SHISA9: variants seen among roughly 807,000 people sequenced by gnomAD.
SHISA9 encodes protein shisa-9.
In SHISA9, 13 loss-of-function variants were observed where a neutral mutation model predicts 38.0. The observed-to-expected ratio is 0.34, with a 90% CI of 0.22 to 0.54. The LOEUF (loss-of-function observed/expected upper bound fraction) is 0.54, where lower values mean the gene tolerates loss of function less well. Among genes scored for constraint, SHISA9 ranks in the 20% least tolerant of loss-of-function variants. The pLI is 0.91. For missense variants in SHISA9, 538 were observed against 575.8 expected (o/e 0.93, Z 0.67); for synonymous variants, 275 against 242.0 (o/e 1.14, Z -1.27).
chr16:13,244,409 A>C (rs1000599567), downstream of SHISA9, among the ~76,000 whole-genome samples: 6 of 152,164 alleles, frequency 3.9e-5, no homozygotes, highest in Non-Finnish European at 8.8e-5. Flanking sequence ...ACTCAAAGTG[A>C]AGATGACAAG....
Position 13,043,538 on chromosome 16 carries a change from A to G in SHISA9, c.691+126723A>G, listed in dbSNP as rs573860624. On this transcript the variant is annotated intron_variant, in intron 2 of 4. Transcript: ENST00000558583. ...CATTTAATGCAAAACACGTTATATT[A>G]ATTGCAAAAACCACAATTACTTTTG... is the stretch of plus-strand genomic sequence containing the variant. Among the ~76,000 whole-genome samples the G allele has an allele frequency of 1.7e-3, 254 of 152,340 alleles. 3 individuals are homozygous for G. The highest frequency in any genetic ancestry group is 1.6e-3 in the Non-Finnish European group (107 of 68,028).
the SHISA9 span, among the ~76,000 whole-genome samples, chr16:13,377,220 G>A: frequency 5.3e-5 from 8 of 152,172 alleles, no homozygotes; most frequent in Non-Finnish European, 1.0e-4. Context: ...CAGCCTTAGG[G>A]GCGGCATTCA....
In SHISA9 at chr16:13,141,602, G is replaced by T. The variant is rs2050402427; in HGVS notation, c.692-61792G>T. 3.3e-5 allele frequency among the ~76,000 whole-genome samples: 5 copies of T among 151,936 alleles called. No homozygotes were observed. In the South Asian group the frequency reaches 1.0e-3, roughly 32 times the overall value. On this transcript the variant is annotated intron_variant, in intron 2 of 4. Coordinates refer to ENST00000558583, the MANE Select transcript of SHISA9 (RefSeq NM_001145204.3). ...GAGAGGCTGAGTCACGAGAATCGCTGAACCCAAGAGGTGGAGGTTGCAGTG... is the reference window on the plus strand; with the variant it reads ...GAGAGGCTGAGTCACGAGAATCGCTTAACCCAAGAGGTGGAGGTTGCAGTG...
intron 2 of SHISA9, among the ~76,000 whole-genome samples, chr16:12,947,193 T>A (rs2071699783): frequency 6.6e-6 from 1 of 152,132 alleles, no homozygotes; most frequent in Non-Finnish European, 1.5e-5. Context: ...CAAGGACTAG[T>A]GGGTTAATGC....
chr16:13,130,412 T>TTTTG (rs141080123), intron 2 of SHISA9, among the ~76,000 whole-genome samples: 2 of 152,124 alleles, frequency 1.3e-5, no homozygotes, highest in East Asian at 1.9e-4. Context: ...TTCTATGTTT[T>TTTTG]TTTGTTTGTT....
At chr16:13,253,811 G>A in the SHISA9 span, among the ~76,000 whole-genome samples, 2 of 152,086 alleles carry the variant, frequency 1.3e-5, no homozygotes, top group South Asian at 2.1e-4. Context: ...ATTATGAAAC[G>A]TCCCCATAAG....
chr16:13,163,143 G>A lies in SHISA9; in HGVS notation c.692-40251G>A, dbSNP rs190674894. ...TACCTGAGTCTCAGTTTCTTTGTCC[G>A]TGAAAGGATGCTAATAATGCTAAGC... On this transcript the variant is annotated intron_variant, in intron 2 of 4. Transcript: ENST00000558583. Among the ~76,000 whole-genome samples the A allele has an allele frequency of 6.6e-5, 10 of 152,240 alleles. No individual in the cohort carries two copies. In the South Asian group the frequency reaches 1.7e-3, roughly 25 times the overall value.
At chr16:13,220,043 GC>G (rs1205072133) in intron 4 of SHISA9, among the ~76,000 whole-genome samples, 6 of 152,146 alleles carry the variant, frequency 3.9e-5, no homozygotes, top group Admixed American at 1.3e-4. Context: ...TGAATGATTG[GC>G]ATTTTTATCA....
At position 13,178,842 on chromosome 16, in the gene SHISA9, T is replaced by TTTG. The variant is rs147399036; in HGVS notation, c.692-24531_692-24529dup. On this transcript the variant is annotated intron_variant, in intron 2 of 4. Transcript: ENST00000558583. ...GGTCCATGTTTTCAGAGGCCAGGTT[T>TTTG]TTGTTGTTGTTGTTGTTGTTGTTTG... Among the ~76,000 whole-genome samples, 350 of 151,640 alleles carry TTTG rather than the reference T, an allele frequency of 2.3e-3. 1 individual carries two copies. The highest frequency in any genetic ancestry group is 3.6e-3 in the Non-Finnish European group (246 of 67,886).
At chr16:13,003,191 G>A (rs895427002) in intron 2 of SHISA9, among the ~76,000 whole-genome samples, 3 of 152,198 alleles carry the variant, frequency 2.0e-5, no homozygotes, top group African/African-American at 7.2e-5. Context: ...CAGTAGGCAA[G>A]GGTCAAACCC....
At chr16:13,315,074 T>C in the SHISA9 span, among the ~76,000 whole-genome samples, 1 of 114,706 alleles carries the variant, frequency 8.7e-6, no homozygotes, top group African/African-American at 3.1e-5. Context: ...GTGTGCACCC[T>C]TGTCAAATAG....
the SHISA9 span, among the ~76,000 whole-genome samples, chr16:13,437,467 A>C: frequency 6.6e-6 from 1 of 152,268 alleles, no homozygotes; most frequent in Non-Finnish European, 1.5e-5. Flanking sequence ...CGGATGAAAA[A>C]CTGGAAGTGG....
At chr16:13,068,332 G>A (rs2073458562) in intron 2 of SHISA9, among the ~76,000 whole-genome samples, 1 of 152,318 alleles carries the variant, frequency 6.6e-6, no homozygotes, top group African/African-American at 2.4e-5. Flanking sequence ...ATCAGGCAAT[G>A]CAAATAGTTG....
intron 2 of SHISA9, among the ~76,000 whole-genome samples, chr16:12,936,689 C>T (rs2071538373): frequency 6.6e-6 from 1 of 152,196 alleles, no homozygotes; most frequent in Admixed American, 6.5e-5. Flanking sequence ...CCAGTTACTT[C>T]ATCTGGTGCT....
intron 2 of SHISA9, among the ~76,000 whole-genome samples, chr16:12,923,487 C>T (rs895274227): frequency 6.6e-6 from 1 of 151,832 alleles, no homozygotes; most frequent in Non-Finnish European, 1.5e-5. Context: ...GAGATCATGC[C>T]ACTGCACTCC....
the SHISA9 span, among the ~76,000 whole-genome samples, chr16:13,395,306 A>C: frequency 6.6e-6 from 1 of 152,224 alleles, no homozygotes; most frequent in Non-Finnish European, 1.5e-5. Context: ...TACAGTGCTC[A>C]ACAGAAACTG....
At chr16:13,247,002 AATAAT>A in the SHISA9 span, among the ~76,000 whole-genome samples, 5 of 149,332 alleles carry the variant, frequency 3.3e-5, no homozygotes, top group African/African-American at 9.8e-5. Context: ...TTTTAAATAT[AATAAT>A]ATAATAAAAA....
chr16:13,488,052 C>G, the SHISA9 span, among the ~76,000 whole-genome samples: 2 of 152,126 alleles, frequency 1.3e-5, no homozygotes, highest in African/African-American at 2.4e-5. Context: ...AATGCTAGTG[C>G]TCATTCAAAC....
At chr16:13,477,734 G>T in the SHISA9 span, among the ~76,000 whole-genome samples, 3 of 152,202 alleles carry the variant, frequency 2.0e-5, no homozygotes, top group Non-Finnish European at 4.4e-5. Context: ...GGAGGCCGAG[G>T]CAGGTGGATC....
Sources: allele counts gnomAD v4.1 joint callset (sites outside exome capture counted in the v4.1 genomes callset), GRCh38; gene constraint gnomAD v4.1.1; transcripts MANE v1.5; gene names NCBI Gene and HGNC (gene_info 2026-07-23, HGNC 2026-07-21).